Variants in OGT observed in about 807,000 individuals in gnomAD.
OGT encodes UDP-N-acetylglucosamine--peptide N-acetylglucosaminyltransferase 110 kDa subunit.
A neutral mutation model predicts 75.8 loss-of-function variants in OGT; 3 were observed. The ratio of observed to expected loss-of-function variants is 0.04; its 90% CI spans 0.02 to 0.10. The LOEUF is 0.10. Among genes scored for constraint, OGT ranks in the 10% least tolerant of loss-of-function variants. The pLI is 1.00. For missense variants in OGT, 260 were observed against 824.4 expected (o/e 0.32, Z 8.38); for synonymous variants, 257 against 289.7 (o/e 0.89, Z 1.15).
chrX:71,568,187 A>G, intron 21 of OGT, 71 bp downstream of exon 21: 3 of 950,644 alleles, frequency 3.2e-6, no homozygotes, highest in Non-Finnish European at 4.3e-6. Context: ...AAATGAAACC[A>G]TAAAATAAGT....
chrX:71,539,441 C>T (rs1413476249), intron 3 of OGT, among the ~76,000 whole-genome samples: 6 of 111,765 alleles, frequency 5.4e-5, no homozygotes, highest in Non-Finnish European at 9.4e-5. Flanking sequence ...CCTCCTGCCT[C>T]AGCCTCCAGA....
At chrX:71,555,853 GCATTACCA>G (rs1478040615) in intron 7 of OGT, 93 bp from the exon 8 acceptor site, 1 of 981,078 alleles carries the variant, frequency 1.0e-6, no homozygotes, top group African/African-American at 1.9e-5. Flanking sequence ...ATTTTCTGTA[GCATTACCA>G]GCCATTAGGC....
chrX:71,535,900 A>G (rs73634876), intron 1 of OGT, among the ~76,000 whole-genome samples: 156 of 112,118 alleles, frequency 1.4e-3, no homozygotes, highest in African/African-American at 4.9e-3. Flanking sequence ...TAAAAGTACA[A>G]AGTATTTTTG....
intron 1 of OGT, chrX:71,534,512 C>T (rs2040160919): frequency 9.0e-6 from 1 of 110,875 alleles, no homozygotes; most frequent in African/African-American, 3.3e-5. Context: ...TTGGTTGTTT[C>T]TCAGTTGAGA....
chrX:71,551,469 TAAAAATAC>T (rs1859258797), intron 5 of OGT, among the ~76,000 whole-genome samples: 1 of 111,182 alleles, frequency 9.0e-6, no homozygotes, highest in African/African-American at 3.3e-5. Context: ...CCATCTCTAC[TAAAAATAC>T]AAAAATTAGC....
At chrX:71,567,902 A>G (rs1166391132) in intron 20 of OGT, 91 bp from the exon 21 acceptor site, 3 of 1,099,457 alleles carry the variant, frequency 2.7e-6, no homozygotes, top group Non-Finnish European at 3.7e-6. Context: ...CATTCTCTTC[A>G]TCTGCGTTGT....
chrX:71,549,717 C>T (rs1049964608), intron 5 of OGT, among the ~76,000 whole-genome samples: 1 of 111,261 alleles, frequency 9.0e-6, no homozygotes, highest in African/African-American at 3.3e-5. Flanking sequence ...TGTGATCATG[C>T]AACTGCACTC....
intron 19 of OGT, among the ~76,000 whole-genome samples, chrX:71,565,958 C>T (rs894001784): frequency 2.0e-4 from 22 of 112,401 alleles, no homozygotes; most frequent in Non-Finnish European, 3.4e-4. Context: ...AAGAAGGAGT[C>T]GATCTGTACA....
intron 8 of OGT, 37 bp from the exon 9 acceptor site, chrX:71,556,642 AT>A (rs1408390821): frequency 2.1e-5 from 20 of 942,159 alleles, no homozygotes; most frequent in Admixed American, 1.0e-4. Context: ...TGCTTTAGCA[AT>A]TTTTTTAACC....
intron 12 of OGT, 50 bp downstream of exon 12, chrX:71,557,722 C>G: frequency 9.9e-7 from 1 of 1,006,192 alleles, no homozygotes; most frequent in Non-Finnish European, 1.3e-6. Context: ...AACACAAATA[C>G]AGAAAACTGT....
At chrX:71,534,411 T>G (rs1390929395) in intron 1 of OGT, 1 of 110,992 alleles carries the variant, frequency 9.0e-6, no homozygotes, top group Non-Finnish European at 1.9e-5. Context: ...TGTAGGAGTG[T>G]CCTTCAGCTG....
chrX:71,569,035 A>C (rs2040435755), intron 21 of OGT, among the ~76,000 whole-genome samples: 1 of 111,704 alleles, frequency 9.0e-6, no homozygotes, highest in South Asian at 3.7e-4. Context: ...GAGCCTTAAA[A>C]GTTAGATCTT....
In OGT at chrX:71,574,939, G is replaced by C. The variant is rs2040485498; in HGVS notation, c.*1145G>C. The C allele has an allele frequency of 9.0e-6, 1 of 111,253 alleles. No individual in the cohort carries two copies. The highest frequency in any genetic ancestry group is 1.9e-5 in the Non-Finnish European group (1 of 53,047). 9.2% of individuals were successfully genotyped at this position (111,253 alleles called of 1,213,427 possible). ...TCTGAAGGATCATCTATGTATTCAA[G>C]TAATTATTTTTTAGATAATAACTGT... On this transcript the variant is annotated 3_prime_UTR_variant, in exon 22 of 22. Coordinates refer to ENST00000373719, the MANE Select transcript of OGT (RefSeq NM_181672.3).
chrX:71,546,916 T>C (rs2040263641), intron 4 of OGT: 2 of 753,549 alleles, frequency 2.7e-6, no homozygotes, highest in African/African-American at 2.3e-5. Flanking sequence ...TTGGATAAAA[T>C]TGGGTTTTAA....
intron 21 of OGT, among the ~76,000 whole-genome samples, chrX:71,569,601 C>G (rs764625076): frequency 9.0e-6 from 1 of 110,919 alleles, no homozygotes; most frequent in East Asian, 2.8e-4. Context: ...GGTGATCCTC[C>G]CACCTCAGCC....
At chrX:71,555,042 A>G (rs2040332751) in intron 6 of OGT, 148 bp from the exon 7 acceptor site, 3 of 431,490 alleles carry the variant, frequency 7.0e-6, no homozygotes, top group Non-Finnish European at 1.1e-5. Flanking sequence ...TACAGCATGA[A>G]TTATGTAATT....
intron 1 of OGT, among the ~76,000 whole-genome samples, chrX:71,534,127 T>A (rs2040156811): frequency 9.0e-6 from 1 of 110,908 alleles, no homozygotes; most frequent in African/African-American, 3.3e-5. Context: ...ACCACCCCGA[T>A]GCTGCTGCTT....
At chrX:71,544,538 A>G in intron 3 of OGT, 29 bp from the exon 4 acceptor site, 1 of 1,178,320 alleles carries the variant, frequency 8.5e-7, no homozygotes, top group Non-Finnish European at 1.2e-6. Flanking sequence ...AGCAGAGTAT[A>G]ATTAATGACA....
chrX:71,542,015 T>C (rs2040222905), intron 3 of OGT, among the ~76,000 whole-genome samples: 1 of 112,026 alleles, frequency 8.9e-6, no homozygotes, highest in Non-Finnish European at 1.9e-5. Flanking sequence ...GAGCTCATCA[T>C]CTAGTTCTCT....
Sources: allele counts gnomAD v4.1 joint callset (sites outside exome capture counted in the v4.1 genomes callset), GRCh38; gene constraint gnomAD v4.1.1; transcripts MANE v1.5; gene names NCBI Gene and HGNC (gene_info 2026-07-23, HGNC 2026-07-21).